Variants in DRC7 observed in about 807,000 individuals in gnomAD.
DRC7 encodes dynein regulatory complex subunit 7.
A neutral mutation model predicts 104.4 loss-of-function variants in DRC7; 80 were observed. That is an observed-to-expected ratio of 0.77 (90% CI 0.64 to 0.92). The LOEUF (loss-of-function observed/expected upper bound fraction) is 0.92, where lower values mean the gene tolerates loss of function less well. DRC7 is among the 40% of genes least tolerant of loss of function. DRC7 has a pLI of 0.00. For synonymous variants in DRC7, 405 were observed against 447.3 expected (o/e 0.91, Z 1.19); for missense variants, 1,034 against 1,141.1 (o/e 0.91, Z 1.35).
At chr16:57,719,403 GCC>G (rs1174310857) in intron 9 of DRC7, among the ~76,000 whole-genome samples, 2 of 152,164 alleles carry the variant, frequency 1.3e-5, no homozygotes, top group African/African-American at 4.8e-5. Flanking sequence ...TTCCTTCTGA[GCC>G]CCCTGTCCTC....
chr16:57,699,126 C>T (rs1354302762), intron 4 of DRC7, 102 bp downstream of exon 4: 22 of 1,387,836 alleles, frequency 1.6e-5, no homozygotes, highest in Middle Eastern at 2.2e-4. Flanking sequence ...GGCCAAATCA[C>T]GGACCTCCTG....
chr16:57,730,604 G>A (rs1292713296), intron 17 of DRC7, among the ~76,000 whole-genome samples: 1 of 152,026 alleles, frequency 6.6e-6, no homozygotes, highest in South Asian at 2.1e-4. Flanking sequence ...AAGGGGAGGG[G>A]GGAGTACAAT....
chr16:57,708,036 C>A (rs1597799474), intron 8 of DRC7, among the ~76,000 whole-genome samples: 1 of 152,192 alleles, frequency 6.6e-6, no homozygotes, highest in African/African-American at 2.4e-5. Flanking sequence ...TACACCCAGA[C>A]CAAGAAATAG....
At chr16:57,725,975 T>G (rs752880610) in intron 13 of DRC7, 93 bp from the exon 14 acceptor site, 1 of 1,080,080 alleles carries the variant, frequency 9.3e-7, no homozygotes, top group Non-Finnish European at 1.4e-6. Flanking sequence ...TCCAGTGTCC[T>G]GAACGTTCGT....
intron 1 of DRC7, among the ~76,000 whole-genome samples, chr16:57,695,902 C>T (rs1379921668): frequency 3.3e-5 from 5 of 152,258 alleles, no homozygotes; most frequent in Admixed American, 1.3e-4. Context: ...CCTAGGAGGC[C>T]GAGGTGGCCC....
chr16:57,700,759 AC>A (rs764929118), intron 5 of DRC7, among the ~76,000 whole-genome samples: 6 of 151,922 alleles, frequency 3.9e-5, no homozygotes, highest in Admixed American at 1.3e-4. Context: ...ATAGGCAGAC[AC>A]ACCCAGCATA....
chr16:57,721,217 A>G (rs191423536), intron 9 of DRC7, among the ~76,000 whole-genome samples: 25 of 152,168 alleles, frequency 1.6e-4, no homozygotes, highest in African/African-American at 6.0e-4. Context: ...ATCTCAAATG[A>G]TAATAATAAT....
At chr16:57,725,119 C>A (rs566454847) in intron 13 of DRC7, among the ~76,000 whole-genome samples, 4 of 151,606 alleles carry the variant, frequency 2.6e-5, no homozygotes, top group African/African-American at 9.8e-5. Flanking sequence ...GCAGAAGGGT[C>A]CTTTTCACCT....
intron 1 of DRC7, among the ~76,000 whole-genome samples, chr16:57,695,122 C>T (rs1271265579): frequency 2.0e-5 from 3 of 152,084 alleles, no homozygotes; most frequent in Non-Finnish European, 4.4e-5. Context: ...AAGAGGCCAC[C>T]TGTGTAGGGA....
rs751374350 is a variant in DRC7 at position 57,728,504 on chromosome 16, C to T, written c.2311C>T (p.Arg771Cys). Reference protein sequence around the residue: ...GEKLTCWQAVRLKDECLSDFK... With the variant: ...GEKLTCWQAVCLKDECLSDFK... ...GAAACTAACATGCTGGCAGGCGGTG[C>T]GCCTCAAGGATGAGTGCCTCAGCGA... is the stretch of plus-strand genomic sequence containing the variant. Residue 771 changes from arginine to cysteine, a missense_variant, in exon 17 of 19, where the codon CGC (arginine) becomes TGC (cysteine). By Grantham distance (180) the Arg-to-Cys change is radical (BLOSUM62 -3). Transcript: ENST00000360716. 12 of 1,612,062 alleles carry T rather than the reference C, an allele frequency of 7.4e-6. No homozygotes were observed. Among genetic ancestry groups the T allele is most frequent in the Admixed American group, 3.3e-5 (2 of 59,916 alleles).
In DRC7 at chr16:57,726,898, G is replaced by A. The variant is rs1462492613; in HGVS notation, c.2041G>A (p.Glu681Lys). The A allele has an allele frequency of 1.2e-6, 2 of 1,613,332 alleles. No homozygotes were observed. The highest frequency in any genetic ancestry group is 1.7e-6 in the Non-Finnish European group (2 of 1,179,764). Reference sequence around the variant, plus strand: ...CGAGGCCATGATGCACCTGAAGAGGGAGGAGAAGCTGTCCAGACATCAGGT... The same window carrying A: ...CGAGGCCATGATGCACCTGAAGAGGAAGGAGAAGCTGTCCAGACATCAGGT... ...QYEAMMHLKR[E>K]EKLSRHQVWE... The change falls in exon 15 of 19, where the codon GAG becomes AAG. Residue 681 changes from glutamate to lysine, a missense_variant. Coordinates refer to ENST00000360716, the MANE Select transcript of DRC7 (RefSeq NM_001289162.2).
chr16:57,696,036 T>C (rs1475928237), intron 1 of DRC7, among the ~76,000 whole-genome samples: 6 of 152,370 alleles, frequency 3.9e-5, no homozygotes, highest in African/African-American at 1.2e-4. Flanking sequence ...CTGCTTTTTT[T>C]CCTTACTACT....
chr16:57,701,012 A>T (rs1315479892), intron 5 of DRC7, among the ~76,000 whole-genome samples: 1 of 152,206 alleles, frequency 6.6e-6, no homozygotes, highest in African/African-American at 2.4e-5. Context: ...GCAGGCTGAT[A>T]AGAACAGACA....
rs1356028470 is a variant in DRC7 at position 57,726,267 on chromosome 16, T to C, written c.1958T>C (p.Met653Thr). ...AACAAGATCATCATGACGCCCGACA[T>C]GTGCATCAGCTTCGAGGTGGGCCTG... is the stretch of plus-strand genomic sequence containing the variant. The part of the protein sequence containing the change: ...KGNKIIMTPD[M>T]CISFEVEPME... Residue 653 changes from methionine (M) to threonine (T), a missense_variant, in exon 14 of 19, where the codon ATG becomes ACG. Transcript: ENST00000360716. 4 of 1,611,280 alleles carry C rather than the reference T, an allele frequency of 2.5e-6. No individual in the cohort carries two copies. The highest frequency in any genetic ancestry group is 3.4e-6 in the Non-Finnish European group (4 of 1,178,536).
chr16:57,728,772 C>T (rs556779828), intron 17 of DRC7, among the ~76,000 whole-genome samples, 188 bp downstream of exon 17: 51 of 116,002 alleles, frequency 4.4e-4, no homozygotes, highest in African/African-American at 1.5e-3. Flanking sequence ...ATAGATGAAT[C>T]GATAGGGGGA....
chr16:57,715,214 A>T (rs1209417917), intron 8 of DRC7, among the ~76,000 whole-genome samples: 1 of 151,834 alleles, frequency 6.6e-6, no homozygotes, highest in East Asian at 1.9e-4. Context: ...CAAGTGGCTA[A>T]TTTTTTTGTA....
At chr16:57,704,376 T>TAC (rs55873452) in intron 6 of DRC7, among the ~76,000 whole-genome samples, 5,015 of 148,934 alleles carry the variant, frequency 0.034, 141 homozygotes, top group African/African-American at 0.079. Flanking sequence ...CACGCAAGCG[T>TAC]ACACACACAC....
At chr16:57,707,702 T>C (rs1204512569) in intron 8 of DRC7, 24 bp downstream of exon 8, 1 of 1,603,382 alleles carries the variant, frequency 6.2e-7, no homozygotes, top group East Asian at 2.2e-5. Flanking sequence ...GGGAGCTGGG[T>C]GGGTGTGGCA....
chr16:57,716,588 G>A (rs966154321), intron 8 of DRC7, among the ~76,000 whole-genome samples: 19 of 150,718 alleles, frequency 1.3e-4, no homozygotes, highest in African/African-American at 3.9e-4. Context: ...TGCCACAGTC[G>A]CTGTGACATC....
Sources: gnomAD v4.1 joint callset for allele counts (sites outside exome capture counted in the v4.1 genomes callset) on GRCh38, gnomAD v4.1.1 for gene constraint, MANE v1.5 for transcripts, NCBI Gene and HGNC (gene_info 2026-07-23, HGNC 2026-07-21) for gene names.